Variants in VWDE observed in about 807,000 individuals in gnomAD.
VWDE encodes von Willebrand factor D and EGF domain-containing protein.
Under a neutral mutation model 178.4 loss-of-function variants are expected in VWDE, and 207 were observed. That is an observed-to-expected ratio of 1.16 (90% CI 1.04 to 1.30). The LOEUF is 1.30. Ranked by LOEUF, VWDE falls within the 50% of genes most tolerant of loss-of-function variation. VWDE has a pLI of 0.00. For missense variants in VWDE, 2,287 were observed against 1,901.3 expected (o/e 1.20, Z -3.77); for synonymous variants, 738 against 651.4 (o/e 1.13, Z -2.02).
rs1375657754 is a variant in VWDE at position 12,359,589 on chromosome 7, G to C, written c.3263C>G (p.Ser1088Ter). Residue 1088 changes from serine to a stop codon, truncating the protein, a stop_gained, in exon 16 of 29, where the codon TCA (serine) becomes TGA (stop). Transcript: ENST00000275358. LOFTEE classifies it high-confidence loss of function. ...AAAGAGTAACTTACTTTCTAAAAAT[G>C]ACCAAGTAAATCTTGAAATTTTGGG... is the stretch of plus-strand genomic sequence containing the variant. ...CRPKISRFTW[S>*]FLENNQPPVI... The C allele has an allele frequency of 6.5e-7, 1 of 1,545,872 alleles. No homozygotes were observed.
chr7:12,391,759 T>C (rs946628186), intron 2 of VWDE, among the ~76,000 whole-genome samples: 5 of 152,210 alleles, frequency 3.3e-5, no homozygotes, highest in African/African-American at 1.2e-4. Flanking sequence ...ACATTAGTGC[T>C]TAAAAAGGAA....
chr7:12,341,986 G>A (rs965416938), intron 23 of VWDE, 73 bp downstream of exon 23: 6 of 1,203,416 alleles, frequency 5.0e-6, no homozygotes, highest in African/African-American at 4.6e-5. Flanking sequence ...TGTTTCTTAG[G>A]TGCACGTCTT....
At chr7:12,342,011 A>G in intron 23 of VWDE, 48 bp downstream of exon 23, 1 of 1,461,912 alleles carries the variant, frequency 6.8e-7, no homozygotes, top group East Asian at 2.5e-5. Flanking sequence ...ACATTGGCAT[A>G]TTTTAACTTT....
At chr7:12,362,131 G>A (rs1782615944) in intron 13 of VWDE, among the ~76,000 whole-genome samples, 1 of 151,840 alleles carries the variant, frequency 6.6e-6, no homozygotes, top group African/African-American at 2.4e-5. Context: ...GGAGTGGTTG[G>A]TGGCCATTTT....
intron 19 of VWDE, among the ~76,000 whole-genome samples, chr7:12,349,041 A>G (rs1781774365): frequency 2.6e-5 from 4 of 152,156 alleles, no homozygotes; most frequent in African/African-American, 4.8e-5. Flanking sequence ...ACACATGGAC[A>G]CAAGAAGGGG....
intron 2 of VWDE, among the ~76,000 whole-genome samples, chr7:12,391,535 A>T (rs1784389351): frequency 6.6e-6 from 1 of 152,220 alleles, no homozygotes; most frequent in South Asian, 2.1e-4. Context: ...GCCTTAAGAG[A>T]AAAACACAAA....
intron 2 of VWDE, among the ~76,000 whole-genome samples, chr7:12,392,896 A>G (rs1028825553): frequency 1.3e-5 from 2 of 152,064 alleles, no homozygotes; most frequent in African/African-American, 4.8e-5. Context: ...TGAAAGACAT[A>G]CACTTACATA....
At chr7:12,355,813 T>C (rs1036327088) in intron 18 of VWDE, among the ~76,000 whole-genome samples, 1 of 152,130 alleles carries the variant, frequency 6.6e-6, no homozygotes, top group Non-Finnish European at 1.5e-5. Context: ...ATCTTAATAG[T>C]AATACATTTT....
chr7:12,396,763 A>T lies in VWDE; in HGVS notation c.59-2985T>A, dbSNP rs567104208. Among the ~76,000 whole-genome samples, 235 of 152,010 alleles carry T rather than the reference A, an allele frequency of 1.5e-3. 1 individual carries two copies. Among genetic ancestry groups the T allele is most frequent in the South Asian group, 9.6e-3 (46 of 4,806 alleles). ...AAACCCCATCTCTACTTAAAAAAAA[A>T]AAAAAAATACAAAAATACAAAATCA... On this transcript the variant is annotated intron_variant, in intron 1 of 28. Transcript: ENST00000275358.
chr7:12,370,919 G>T, intron 10 of VWDE, 55 bp from the exon 11 acceptor site: 1 of 1,264,512 alleles, frequency 7.9e-7, no homozygotes, highest in Non-Finnish European at 1.0e-6. Context: ...TATTCAACCT[G>T]GATTAAGAAA....
intron 13 of VWDE, among the ~76,000 whole-genome samples, chr7:12,361,849 T>C (rs925032606): frequency 2.0e-5 from 3 of 151,960 alleles, no homozygotes; most frequent in Non-Finnish European, 2.9e-5. Context: ...TGACACACAG[T>C]GGATTGATTT....
At chr7:12,375,825 C>T (rs1034255870) in intron 7 of VWDE, among the ~76,000 whole-genome samples, 2 of 151,788 alleles carry the variant, frequency 1.3e-5, no homozygotes, top group African/African-American at 4.8e-5. Flanking sequence ...GATGCTCCCT[C>T]GCTTCGATAA....
At chr7:12,360,212 C>T (rs1260354950) in intron 15 of VWDE, among the ~76,000 whole-genome samples, 3 of 151,928 alleles carry the variant, frequency 2.0e-5, no homozygotes, top group Admixed American at 2.0e-4. Flanking sequence ...TGCTGATAAG[C>T]ACAGAAAGAA....
chr7:12,388,888 T>G (rs1562515632), intron 3 of VWDE: 7 of 673,730 alleles, frequency 1.0e-5, no homozygotes, highest in Non-Finnish European at 2.0e-5. Context: ...TTATGTCCAG[T>G]GGAAAAATGT....
intron 15 of VWDE, 42 bp from the exon 16 acceptor site, chr7:12,359,734 G>T (rs749147250): frequency 1.6e-6 from 2 of 1,256,382 alleles, no homozygotes; most frequent in Non-Finnish European, 2.2e-6. Context: ...AAAGTACAGC[G>T]TGTAGAAAAA....
chr7:12,384,974 G>A (rs1784027651), intron 3 of VWDE, among the ~76,000 whole-genome samples: 1 of 151,548 alleles, frequency 6.6e-6, no homozygotes, highest in Non-Finnish European at 1.5e-5. Flanking sequence ...TGTAGTATAA[G>A]GACCTAACTA....
intron 4 of VWDE, among the ~76,000 whole-genome samples, chr7:12,381,958 T>G (rs541274358): frequency 6.6e-6 from 1 of 151,878 alleles, no homozygotes. Flanking sequence ...TGCAACAGTA[T>G]AGATGAAACA....
intron 19 of VWDE, among the ~76,000 whole-genome samples, chr7:12,345,605 A>T (rs1262048558): frequency 6.6e-6 from 1 of 152,092 alleles, no homozygotes; most frequent in Non-Finnish European, 1.5e-5. Context: ...CCTTGGGAAG[A>T]CCTGCTAATT....
intron 10 of VWDE, among the ~76,000 whole-genome samples, chr7:12,372,673 G>A (rs764045462): frequency 6.6e-6 from 1 of 151,998 alleles, no homozygotes; most frequent in African/African-American, 2.4e-5. Flanking sequence ...TCTTAATTAT[G>A]TCTGTCATCT....
Sources: allele counts gnomAD v4.1 joint callset (sites outside exome capture counted in the v4.1 genomes callset), GRCh38; gene constraint gnomAD v4.1.1; transcripts MANE v1.5; gene names NCBI Gene and HGNC (gene_info 2026-07-23, HGNC 2026-07-21).